Variants in RCAN2 observed in about 807,000 individuals in gnomAD.
The protein encoded by RCAN2 is regulator of calcineurin 2, also known as calcipressin-2.
In RCAN2, 9 loss-of-function variants were observed where a neutral mutation model predicts 23.6. That is an observed-to-expected ratio of 0.38 (90% confidence interval 0.23 to 0.67). The LOEUF (loss-of-function observed/expected upper bound fraction) is 0.67, where lower values mean the gene tolerates loss of function less well. Among genes scored for constraint, RCAN2 ranks in the 30% least tolerant of loss-of-function variants. RCAN2 has a pLI of 0.51. For missense variants in RCAN2, 273 were observed against 302.3 expected, an observed-to-expected ratio of 0.90 and a Z score of 0.72; for synonymous variants, 109 against 115.7, an observed-to-expected ratio of 0.94 and a Z score of 0.37.
intron 2 of RCAN2, among the ~76,000 whole-genome samples, chr6:46,340,522 T>A (rs969022939): frequency 4.6e-5 from 7 of 152,158 alleles, no homozygotes; most frequent in African/African-American, 9.7e-5. Context: ...AGAACCTTCA[T>A]TTCTCCTCTT....
intron 2 of RCAN2, among the ~76,000 whole-genome samples, chr6:46,292,651 T>A (rs1762605030): frequency 6.6e-6 from 1 of 152,164 alleles, no homozygotes; most frequent in African/African-American, 2.4e-5. Context: ...TTCCTTCTTG[T>A]CAAGTAAACT....
intron 4 of RCAN2, among the ~76,000 whole-genome samples, chr6:46,240,463 C>T (rs1232286308): frequency 6.6e-6 from 1 of 151,662 alleles, no homozygotes; most frequent in East Asian, 1.9e-4. Context: ...CCTTTTTTTT[C>T]CAGGGACAAT....
chr6:46,249,825 C>T (rs1267314559), intron 2 of RCAN2, among the ~76,000 whole-genome samples: 1 of 152,156 alleles, frequency 6.6e-6, no homozygotes, highest in Non-Finnish European at 1.5e-5. Context: ...ATTCTCTTCA[C>T]TCTGGGTCCC....
chr6:46,309,158 A>G (rs1763174471), intron 2 of RCAN2, among the ~76,000 whole-genome samples: 1 of 152,158 alleles, frequency 6.6e-6, no homozygotes, highest in South Asian at 2.1e-4. Flanking sequence ...GTCCACAAAG[A>G]TTATCTAAAA....
chr6:46,271,393 T>G (rs752763837), intron 2 of RCAN2, among the ~76,000 whole-genome samples: 7 of 152,226 alleles, frequency 4.6e-5, no homozygotes, highest in Non-Finnish European at 7.3e-5. Context: ...ACACACGCTA[T>G]GAAGGTTAAA....
chr6:46,468,380 T>G (rs6924725), intron 1 of RCAN2, among the ~76,000 whole-genome samples: 3,409 of 152,250 alleles, frequency 0.022, 131 homozygotes, highest in African/African-American at 0.077. Context: ...ATAGTCTTAC[T>G]TACCCTTCTC....
At position 46,222,717 on chromosome 6, in the gene RCAN2, T is replaced by C. The variant is rs1765516467; in HGVS notation, c.*424A>G. ...AGGACTGAGTGAGACCAGATAGGGA[T>C]ATCTCATGCAGTCAAAGTCAAGTTT... On this transcript the variant is annotated 3_prime_UTR_variant, in exon 5 of 5. Transcript: ENST00000371374. 6.3e-6 allele frequency: 1 copy of C among 158,866 alleles called. No individual in the cohort carries two copies. Among genetic ancestry groups the C allele is most frequent in the Admixed American group, 6.3e-5 (1 of 15,850 alleles). The allele number at this position is 158,866 out of a possible 1,614,324, so 9.8% of individuals were successfully genotyped here.
At chr6:46,276,264 C>T (rs994808005) in intron 2 of RCAN2, among the ~76,000 whole-genome samples, 6 of 151,996 alleles carry the variant, frequency 3.9e-5, no homozygotes, top group Non-Finnish European at 7.4e-5. Context: ...GTGTAGAATT[C>T]TAGTGGATAT....
intron 2 of RCAN2, among the ~76,000 whole-genome samples, chr6:46,295,483 C>T (rs993544835): frequency 3.9e-5 from 6 of 152,152 alleles, no homozygotes; most frequent in African/African-American, 1.2e-4. Context: ...CTGACAGAAG[C>T]TTAGGAGGAT....
At chr6:46,409,643 G>A (rs1766495197) in intron 2 of RCAN2, among the ~76,000 whole-genome samples, 1 of 152,278 alleles carries the variant, frequency 6.6e-6, no homozygotes, top group Non-Finnish European at 1.5e-5. Flanking sequence ...TGTACATTAT[G>A]AGCAGAGAGC....
chr6:46,437,115 G>A (rs1050174005), intron 2 of RCAN2, among the ~76,000 whole-genome samples: 13 of 152,102 alleles, frequency 8.5e-5, no homozygotes, highest in Admixed American at 2.6e-4. Flanking sequence ...GTACTCTTAC[G>A]GGCTTGAAAG....
At chr6:46,231,508 C>T (rs1190961236) in intron 4 of RCAN2, among the ~76,000 whole-genome samples, 1 of 151,562 alleles carries the variant, frequency 6.6e-6, no homozygotes, top group Non-Finnish European at 1.5e-5. Context: ...CTCCTGGGTT[C>T]AAGCAATTCT....
At chr6:46,404,931 T>C (rs1766354448) in intron 2 of RCAN2, among the ~76,000 whole-genome samples, 1 of 152,160 alleles carries the variant, frequency 6.6e-6, no homozygotes, top group Admixed American at 6.5e-5. Context: ...ATTGTAAAGA[T>C]TAAACAACAG....
At chr6:46,478,946 G>C (rs1317259230) in intron 1 of RCAN2, among the ~76,000 whole-genome samples, 1 of 152,224 alleles carries the variant, frequency 6.6e-6, no homozygotes, top group Non-Finnish European at 1.5e-5. Flanking sequence ...ACAACTGTGA[G>C]TTATCAGAAT....
intron 2 of RCAN2, among the ~76,000 whole-genome samples, chr6:46,266,286 C>T (rs1767324469): frequency 6.6e-6 from 1 of 152,170 alleles, no homozygotes; most frequent in African/African-American, 2.4e-5. Flanking sequence ...TAGTTTTCAG[C>T]TCTTTGCATT....
At chr6:46,373,595 G>C (rs1215417855) in intron 2 of RCAN2, among the ~76,000 whole-genome samples, 1 of 152,138 alleles carries the variant, frequency 6.6e-6, no homozygotes, top group Admixed American at 6.5e-5. Flanking sequence ...TCCTTAAGCA[G>C]GGGAAAATGT....
intron 1 of RCAN2, among the ~76,000 whole-genome samples, chr6:46,481,481 G>C (rs558496093): frequency 6.6e-6 from 1 of 152,192 alleles, no homozygotes; most frequent in South Asian, 2.1e-4. Flanking sequence ...ATTTTATATA[G>C]TTGCAGTGTT....
At chr6:46,240,700 A>G (rs1056825610) in intron 4 of RCAN2, among the ~76,000 whole-genome samples, 1 of 152,218 alleles carries the variant, frequency 6.6e-6, no homozygotes, top group African/African-American at 2.4e-5. Flanking sequence ...GTTCATCTAT[A>G]TTTTAAAAAC....
chr6:46,371,403 G>A (rs913084014), intron 2 of RCAN2, among the ~76,000 whole-genome samples: 36 of 152,192 alleles, frequency 2.4e-4, no homozygotes, highest in African/African-American at 8.7e-4. Context: ...ATGCCTCTGG[G>A]TCAGGCTTCC....
Sources: allele counts gnomAD v4.1 joint callset (sites outside exome capture counted in the v4.1 genomes callset), GRCh38; gene constraint gnomAD v4.1.1; transcripts MANE v1.5; gene names NCBI Gene and HGNC (gene_info 2026-07-23, HGNC 2026-07-21).